ABCC5: variants seen among roughly 807,000 people sequenced by gnomAD.
The protein encoded by ABCC5 is ATP-binding cassette sub-family C member 5.
A neutral mutation model predicts 160.9 loss-of-function variants in ABCC5; 61 were observed. The ratio of observed to expected loss-of-function variants is 0.38; its 90% confidence interval spans 0.31 to 0.47. The LOEUF (loss-of-function observed/expected upper bound fraction) is 0.47. Among genes scored for constraint, ABCC5 ranks in the 20% least tolerant of loss-of-function variants. ABCC5 has a pLI of 0.99. For synonymous variants in ABCC5, 666 were observed against 700.6 expected, an observed-to-expected ratio of 0.95 and a Z score of 0.78; for missense variants, 1,308 against 1,813.3, an observed-to-expected ratio of 0.72 and a Z score of 5.06.
chr3:183,931,958 C>A (rs1462201779), intron 26 of ABCC5, among the ~76,000 whole-genome samples: 1 of 152,202 alleles, frequency 6.6e-6, no homozygotes, highest in Non-Finnish European at 1.5e-5. Context: ...ACAATCAGAA[C>A]CCCTGGAGTC....
chr3:183,984,259 C>T (rs1718997970), intron 5 of ABCC5: 1 of 985,936 alleles, frequency 1.0e-6, no homozygotes, highest in Non-Finnish European at 1.2e-6. Flanking sequence ...CTTTTCAAGT[C>T]CTTGCATCTA....
intron 22 of ABCC5, among the ~76,000 whole-genome samples, chr3:183,948,277 T>C (rs930708291): frequency 2.0e-5 from 3 of 152,164 alleles, no homozygotes; most frequent in East Asian, 3.8e-4. Flanking sequence ...GCAATAGAAA[T>C]AGGAAAATGT....
chr3:183,955,886 A>G (rs1273432538), intron 17 of ABCC5, among the ~76,000 whole-genome samples: 1 of 142,902 alleles, frequency 7.0e-6, no homozygotes, highest in Non-Finnish European at 1.5e-5. Context: ...CATCTGTTAT[A>G]TGCAGATCCA....
At chr3:183,968,629 T>C (rs1315139301) in intron 11 of ABCC5, among the ~76,000 whole-genome samples, 1 of 152,194 alleles carries the variant, frequency 6.6e-6, no homozygotes, top group African/African-American at 2.4e-5. Flanking sequence ...ATTAACTGAG[T>C]ATCCTTAGGC....
chr3:184,006,525 G>GA (rs1252949936), intron 2 of ABCC5: 1 of 152,136 alleles, frequency 6.6e-6, no homozygotes, highest in Non-Finnish European at 1.5e-5. Flanking sequence ...AGTCTGTAAA[G>GA]AAAAGCTTTC....
At chr3:183,993,191 A>G (rs1007044006) in intron 2 of ABCC5, among the ~76,000 whole-genome samples, 2 of 152,162 alleles carry the variant, frequency 1.3e-5, no homozygotes, top group East Asian at 3.8e-4. Flanking sequence ...TGTCTTCGTG[A>G]AGGTACTGCC....
At chr3:183,962,757 G>A (rs892338933) in intron 15 of ABCC5, among the ~76,000 whole-genome samples, 2 of 152,038 alleles carry the variant, frequency 1.3e-5, no homozygotes, top group African/African-American at 4.8e-5. Context: ...CCTGACCTCA[G>A]GTGATCCGCC....
rs936207692 is a variant in ABCC5, at chr3:184,013,658, C to A, written c.129+606G>T. Among the ~76,000 whole-genome samples the A allele has an allele frequency of 7.2e-5, 11 of 152,246 alleles. 1 individual carries two copies. In the South Asian group the frequency reaches 2.3e-3, roughly 32 times the overall value. On this transcript the variant is annotated intron_variant, in intron 2 of 29. Coordinates refer to ENST00000334444, the MANE Select transcript of ABCC5 (RefSeq NM_005688.4). ...GGCTTTATATTCCCTGTCATTGACC[C>A]CATGACCCCCTCCCCCTCAATAAGT...
At position 183,950,024 on chromosome 3, in the gene ABCC5, C is replaced by T; in HGVS notation, c.3046G>A (p.Val1016Met). 1 of 1,614,040 alleles carries T rather than the reference C, an allele frequency of 6.2e-7. No homozygotes were observed. The highest frequency in any genetic ancestry group is 8.5e-7 in the Non-Finnish European group (1 of 1,180,022). The stretch of plus-strand genomic sequence containing the variant: ...AGGATGACAAGGGGCCCCACTGCCA[C>T]AAGGAACCACGGGAAGACTCCTGCG... The part of the protein sequence containing the change: ...MIAGVFPWFL[V>M]AVGPLVILFS... The change falls in exon 21 of 30, where the codon GTG becomes ATG. Residue 1016 changes from valine to methionine, a missense_variant. Physicochemically the swap from Val to Met is conservative, Grantham distance 21. Transcript: ENST00000334444.
At chr3:183,974,241 C>T (rs904438374) in intron 10 of ABCC5, among the ~76,000 whole-genome samples, 5 of 152,184 alleles carry the variant, frequency 3.3e-5, no homozygotes, top group Non-Finnish European at 1.5e-5. Context: ...CTGTTGAGAA[C>T]AGAAGAGGGG....
chr3:183,938,719 T>C (rs1381912335), intron 25 of ABCC5, among the ~76,000 whole-genome samples: 1 of 152,146 alleles, frequency 6.6e-6, no homozygotes. Context: ...AGCAAGCAGT[T>C]GAGGGGCAAA....
intron 10 of ABCC5, among the ~76,000 whole-genome samples, chr3:183,973,974 C>G (rs920835563): frequency 6.6e-6 from 1 of 152,188 alleles, no homozygotes; most frequent in Admixed American, 6.5e-5. Context: ...TCCTACTCCC[C>G]GCAGCCTTAC....
Position 183,925,668 on chromosome 3 carries a change from A to G in ABCC5, c.4099T>C (p.Leu1367=), listed in dbSNP as rs374473749. The G allele has an allele frequency of 3.1e-6, 5 of 1,614,000 alleles. No individual in the cohort carries two copies. Among genetic ancestry groups the G allele is most frequent in the East Asian group, 2.2e-5 (1 of 44,902 alleles). ...TAAMDTETDL[L]IQETIREAFA... is the part of the protein sequence containing the mutation. ...GCTTCTCGGATGGTCTCTTGAATCAATAAGTCTGTCTCTGTGTCCATGGCA... is the reference window on the plus strand; with the variant it reads ...GCTTCTCGGATGGTCTCTTGAATCAGTAAGTCTGTCTCTGTGTCCATGGCA... The change falls in exon 29 of 30, where the codon TTG becomes CTG. Residue 1367 remains leucine (L), a synonymous_variant. Coordinates refer to ENST00000334444, the MANE Select transcript of ABCC5 (RefSeq NM_005688.4).
intron 12 of ABCC5, among the ~76,000 whole-genome samples, chr3:183,966,923 G>A (rs887374304): frequency 6.6e-6 from 1 of 152,024 alleles, no homozygotes; most frequent in Admixed American, 6.5e-5. Flanking sequence ...ATCCATCAGG[G>A]TGTAGAGATA....
chr3:183,939,343 G>C (rs973897467), intron 25 of ABCC5, among the ~76,000 whole-genome samples: 2 of 152,202 alleles, frequency 1.3e-5, no homozygotes, highest in African/African-American at 2.4e-5. Context: ...TAAGGCAGGA[G>C]AATCACTTGA....
chr3:183,944,971 C>T (rs922808593), intron 24 of ABCC5, among the ~76,000 whole-genome samples: 2 of 152,176 alleles, frequency 1.3e-5, no homozygotes, highest in East Asian at 1.9e-4. Context: ...TTGCTGTTCC[C>T]GTGACAGTGA....
rs1368989789 is a variant in ABCC5 at position 183,959,740 on chromosome 3, T to C, written c.2475A>G (p.Pro825=). 1.2e-6 allele frequency: 2 copies of C among 1,607,924 alleles called. No homozygotes were observed. The highest frequency in any genetic ancestry group is 2.7e-5 in the African/African-American group (2 of 74,698). Residue 825 remains proline, a synonymous_variant, in exon 17 of 30, where the codon CCA becomes CCG. Coordinates refer to ENST00000334444, the MANE Select transcript of ABCC5 (RefSeq NM_005688.4). The part of the protein sequence containing the change: ...GSVKKEKAVK[P]EEGQLVQLEE... ...TTCAAAAAAGGCCATTACCTTCCTC[T>C]GGCTTTACTGCTTTTTCCTTCTTTA...
At chr3:183,932,595 C>T (rs1037761482) in intron 26 of ABCC5, among the ~76,000 whole-genome samples, 2 of 152,182 alleles carry the variant, frequency 1.3e-5, no homozygotes, top group African/African-American at 2.4e-5. Context: ...CAAATCCTAG[C>T]TCTGCCACTT....
chr3:183,964,188 C>T (rs188581523), intron 14 of ABCC5, among the ~76,000 whole-genome samples: 1 of 152,306 alleles, frequency 6.6e-6, no homozygotes, highest in African/African-American at 2.4e-5. Flanking sequence ...CCCGCTAGTA[C>T]CCCAAAGAGA....
Sources: allele counts gnomAD v4.1 joint callset (sites outside exome capture counted in the v4.1 genomes callset), GRCh38; gene constraint gnomAD v4.1.1; transcripts MANE v1.5; gene names NCBI Gene and HGNC (gene_info 2026-07-23, HGNC 2026-07-21).